The following MYO10 variants were observed in gnomAD, a reference collection of about 807,000 sequenced individuals.
The protein encoded by MYO10 is unconventional myosin-X.
Under a neutral mutation model 257.3 loss-of-function variants are expected in MYO10, and 133 were observed. The observed-to-expected ratio is 0.52, with a 90% confidence interval of 0.45 to 0.60. The LOEUF (loss-of-function observed/expected upper bound fraction) is 0.60. Ranked by LOEUF, MYO10 falls within the 20% of genes least tolerant of loss-of-function variation. The pLI is 0.00. For synonymous variants in MYO10, 1,104 were observed against 1,028.6 expected (o/e 1.07, Z -1.40); for missense variants, 2,399 against 2,635.7 (o/e 0.91, Z 1.97).
intron 9 of MYO10, 80 bp from the exon 10 acceptor site, chr5:16,769,283 A>C: frequency 1.4e-6 from 2 of 1,397,826 alleles, no homozygotes; most frequent in Non-Finnish European, 1.9e-6. Context: ...ATAATATAAA[A>C]TTACTAGGTG....
At chr5:16,683,457 T>G (rs1737101450) in intron 30 of MYO10, among the ~76,000 whole-genome samples, 1 of 152,222 alleles carries the variant, frequency 6.6e-6, no homozygotes, top group African/African-American at 2.4e-5. Context: ...TTGTGGTTTA[T>G]TAATACTCTA....
chr5:16,900,706 G>A (rs1745352117), intron 1 of MYO10, among the ~76,000 whole-genome samples: 1 of 147,526 alleles, frequency 6.8e-6, no homozygotes, highest in African/African-American at 2.5e-5. Flanking sequence ...CTAGCAACCA[G>A]CATGATCCTC....
chr5:16,879,283 G>A (rs1744694814), intron 1 of MYO10, among the ~76,000 whole-genome samples: 1 of 151,860 alleles, frequency 6.6e-6, no homozygotes, highest in Admixed American at 6.6e-5. Context: ...TTTCTGTTTT[G>A]TTAAATATTT....
rs6867190 is a variant in MYO10, at chr5:16,929,937, A to C, written c.21+5851T>G. 4.2e-3 allele frequency among the ~76,000 whole-genome samples: 644 copies of C among 152,274 alleles called. 5 individuals carry two copies. The highest frequency in any genetic ancestry group is 0.014 in the African/African-American group (597 of 41,544). The stretch of plus-strand genomic sequence containing the variant: ...CTGTAAGATACTTCATAATCAAGGG[A>C]AAAAGTTAGAAGCATCTCCCCTTCC... On this transcript the variant is annotated intron_variant, in intron 1 of 40. Transcript: ENST00000513610.
At chr5:16,843,238 T>C (rs375050879) in intron 2 of MYO10, among the ~76,000 whole-genome samples, 3 of 152,148 alleles carry the variant, frequency 2.0e-5, no homozygotes, top group African/African-American at 7.2e-5. Flanking sequence ...CCACGCCCCA[T>C]TCTCCCCTTC....
At chr5:16,684,013 C>G (rs1737129007) in intron 29 of MYO10, 78 bp from the exon 30 acceptor site, 1 of 1,294,728 alleles carries the variant, frequency 7.7e-7, no homozygotes, top group South Asian at 1.2e-5. Flanking sequence ...CTCTAGCCCA[C>G]AACTCCCAAT....
chr5:16,830,021 C>T (rs1462438334), intron 2 of MYO10, among the ~76,000 whole-genome samples: 1 of 152,110 alleles, frequency 6.6e-6, no homozygotes, highest in South Asian at 2.1e-4. Flanking sequence ...AGGCGGACCA[C>T]GTGAGGTGAG....
intron 2 of MYO10, among the ~76,000 whole-genome samples, chr5:16,839,327 A>C (rs1743401700): frequency 1.3e-5 from 2 of 152,182 alleles, no homozygotes; most frequent in Admixed American, 6.5e-5. Flanking sequence ...CTCATGTATG[A>C]CATTGAGGGG....
chr5:16,672,538 A>G lies in MYO10; in HGVS notation c.5309+151T>C, dbSNP rs867248588. The G allele has an allele frequency of 2.8e-5, 24 of 849,798 alleles. No individual in the cohort carries two copies. The African/African-American group carries it at 3.6e-4, about 13-fold the overall frequency. 52.6% of individuals were successfully genotyped at this position (849,798 alleles called of 1,614,324 possible). ...CTAGGAATCGAGAAAAATAGCGGAT[A>G]TGCAAAGTTAAACAGGCATCAACAC... On this transcript the variant is annotated intron_variant, in intron 37 of 40. Transcript: ENST00000513610.
rs545051472 is a variant in MYO10 at position 16,734,413 on chromosome 5, C to T, written c.1929+20415G>A. ...GCAATGTGCTGCTGAGTTCAGTCAA[C>T]GGTGCCCACGTTCAAATGACAGATC... On this transcript the variant is annotated intron_variant, in intron 19 of 40. Coordinates refer to ENST00000513610, the MANE Select transcript of MYO10 (RefSeq NM_012334.3). Among the ~76,000 whole-genome samples, 179 of 152,202 alleles carry T rather than the reference C, an allele frequency of 1.2e-3. 1 individual carries two copies. Among genetic ancestry groups the T allele is most frequent in the Non-Finnish European group, 2.0e-3 (136 of 68,040 alleles).
intron 11 of MYO10, 98 bp from the exon 12 acceptor site, chr5:16,764,494 A>G: frequency 7.4e-7 from 1 of 1,352,694 alleles, no homozygotes; most frequent in Non-Finnish European, 1.0e-6. Flanking sequence ...CAAGACTAGC[A>G]TAGCATCTGG....
intron 1 of MYO10, among the ~76,000 whole-genome samples, chr5:16,892,929 C>T (rs1389771284): frequency 6.6e-6 from 1 of 152,128 alleles, no homozygotes; most frequent in East Asian, 1.9e-4. Context: ...GGCACGGTGG[C>T]TCACACCTGT....
At position 16,760,418 on chromosome 5, in the gene MYO10, G is replaced by A. The variant is rs185384105; in HGVS notation, c.1739+1046C>T. ...GGAGGTTGCAGTGAGCCGAGATTGC[G>A]CCACTGCACTCCAGTCTGGGTGACA... is the stretch of plus-strand genomic sequence containing the variant. On this transcript the variant is annotated intron_variant, in intron 17 of 40. Coordinates refer to ENST00000513610, the MANE Select transcript of MYO10 (RefSeq NM_012334.3). 5.3e-3 allele frequency among the ~76,000 whole-genome samples: 781 copies of A among 148,736 alleles called. 6 individuals carry two copies. The highest frequency in any genetic ancestry group is 0.018 in the African/African-American group (727 of 40,426).
At chr5:16,905,984 A>C (rs1169623749) in intron 1 of MYO10, among the ~76,000 whole-genome samples, 1 of 152,244 alleles carries the variant, frequency 6.6e-6, no homozygotes, top group Non-Finnish European at 1.5e-5. Context: ...AAAAGCACTC[A>C]TAGATTAGAA....
At chr5:16,773,008 G>A (rs1741100862) in intron 9 of MYO10, among the ~76,000 whole-genome samples, 1 of 152,188 alleles carries the variant, frequency 6.6e-6, no homozygotes, top group South Asian at 2.1e-4. Context: ...ATAAATGGGT[G>A]TGTAAATTCA....
chr5:16,780,574 T>C lies in MYO10; in HGVS notation c.776A>G (p.Asn259Ser), dbSNP rs773739216. The C allele has an allele frequency of 1.9e-6, 3 of 1,583,288 alleles. No individual in the cohort carries two copies. Among genetic ancestry groups the C allele is most frequent in the Non-Finnish European group, 2.6e-6 (3 of 1,162,936 alleles). Residue 259 changes from asparagine to serine, a missense_variant, in exon 8 of 41, where the codon AAT becomes AGT. By Grantham distance (46) the Asn-to-Ser change is conservative (BLOSUM62 1). Around this residue, in one of 3 missense-constraint regions of MYO10, gnomAD observed 337 missense variants for 446.8 expected, o/e 0.75. Transcript: ENST00000513610. ...CAGCAGTGCATAAAATATGTGATAA[T>C]TCCTTTCCCCGGGATTTTGCCTTAC... ...RVVRQNPGER[N>S]YHIFYALLAG... is the part of the protein sequence containing the mutation.
Position 16,670,986 on chromosome 5 carries a change from G to C in MYO10, c.5431-8C>G. The C allele has an allele frequency of 3.1e-6, 5 of 1,600,966 alleles. No homozygotes were observed. Among genetic ancestry groups the C allele is most frequent in the South Asian group, 1.1e-5 (1 of 89,732 alleles). On this transcript the variant is annotated splice_region_variant and splice_polypyrimidine_tract_variant and intron_variant, in intron 38 of 40. Transcript: ENST00000513610. ...GATAACCGCTTCGTGGGCCTGAAAG[G>C]AGACAGTCAACAGCTTTCCGGTCAA...
Position 16,668,391 on chromosome 5 carries a change from C to T in MYO10, c.5961G>A (p.Glu1987=), listed in dbSNP as rs780833950. 1 of 1,613,956 alleles carries T rather than the reference C, an allele frequency of 6.2e-7. No individual in the cohort carries two copies. The highest frequency in any genetic ancestry group is 2.2e-5 in the East Asian group (1 of 44,872). The change falls in exon 40 of 41, where the codon GAG becomes GAA. Residue 1987 remains glutamate, a synonymous_variant. Coordinates refer to ENST00000513610, the MANE Select transcript of MYO10 (RefSeq NM_012334.3). ...ACTGGAAGACTTCCAGTGGTCTTCCCTCTCCACGCTTGTAGACGGAGACGG... is the reference window on the plus strand; with the variant it reads ...ACTGGAAGACTTCCAGTGGTCTTCCTTCTCCACGCTTGTAGACGGAGACGG... ...ADAVSVYKRG[E]GRPLEVFQYE...
chr5:16,838,537 C>T (rs976524324), intron 2 of MYO10, among the ~76,000 whole-genome samples: 1 of 152,120 alleles, frequency 6.6e-6, no homozygotes, highest in Non-Finnish European at 1.5e-5. Flanking sequence ...GAAAAGAAGC[C>T]GTCTCCACAA....
Sources: allele counts gnomAD v4.1 joint callset (sites outside exome capture counted in the v4.1 genomes callset), GRCh38; gene constraint gnomAD v4.1.1; regional missense constraint gnomAD v4.1.1; transcripts MANE v1.5; gene names NCBI Gene and HGNC (gene_info 2026-07-23, HGNC 2026-07-21).